The following CASK variants were observed in gnomAD, a reference collection of about 807,000 sequenced individuals.
CASK encodes the protein peripheral plasma membrane protein CASK.
Under a neutral mutation model 82.9 loss-of-function variants are expected in CASK, and 4 were observed. The ratio of observed to expected loss-of-function variants is 0.05; its 90% CI spans 0.02 to 0.11. The LOEUF is 0.11. Ranked by LOEUF, CASK falls within the 10% of genes least tolerant of loss-of-function variation. The probability of loss-of-function intolerance (pLI) is 1.00; values close to 1 mark genes in which losing one functional copy is unlikely to be tolerated. For missense variants in CASK, 358 were observed against 720.9 expected (o/e 0.50, Z 5.76); for synonymous variants, 259 against 253.5 (o/e 1.02, Z -0.20).
chrX:41,620,149 T>C (rs909105004), intron 11 of CASK, among the ~76,000 whole-genome samples: 2 of 112,321 alleles, frequency 1.8e-5, no homozygotes, highest in Non-Finnish European at 3.8e-5. Context: ...ACAAACTTTA[T>C]TCATAAATAA....
chrX:41,692,280 C>G (rs1290658000), intron 5 of CASK, among the ~76,000 whole-genome samples: 1 of 111,913 alleles, frequency 8.9e-6, no homozygotes, highest in Non-Finnish European at 1.9e-5. Context: ...GTGCCTGAAA[C>G]CCATTCCAGA....
intron 11 of CASK, among the ~76,000 whole-genome samples, chrX:41,619,108 G>C (rs1448352465): frequency 9.0e-6 from 1 of 110,906 alleles, no homozygotes. Flanking sequence ...GGGATTACAG[G>C]CGTGATGCCT....
chrX:41,831,110 C>T (rs776936853), intron 2 of CASK, among the ~76,000 whole-genome samples: 1 of 110,337 alleles, frequency 9.1e-6, no homozygotes, highest in East Asian at 2.8e-4. Context: ...TCTAGGTGGT[C>T]AGAGTAAAGC....
intron 3 of CASK, among the ~76,000 whole-genome samples, chrX:41,753,399 G>C (rs1257518182): frequency 9.0e-6 from 1 of 111,174 alleles, no homozygotes; most frequent in East Asian, 2.8e-4. Context: ...AAATTTAATA[G>C]AAATATTGTG....
chrX:41,607,712 C>T (rs926825774), intron 12 of CASK, among the ~76,000 whole-genome samples: 3 of 111,926 alleles, frequency 2.7e-5, no homozygotes, highest in Non-Finnish European at 5.6e-5. Context: ...GTGAGATAAA[C>T]CCATTTCCAA....
intron 11 of CASK, among the ~76,000 whole-genome samples, chrX:41,613,782 G>C (rs2066146361): frequency 9.0e-6 from 1 of 111,213 alleles, no homozygotes; most frequent in Admixed American, 9.6e-5. Flanking sequence ...TGTTACAGTT[G>C]TTATCTTTAC....
intron 1 of CASK, among the ~76,000 whole-genome samples, chrX:41,891,619 A>T (rs1195384): frequency 0.16 from 18,090 of 111,185 alleles, 1,430 homozygotes; most frequent in Middle Eastern, 0.3. Flanking sequence ...TCTTTAGCAG[A>T]CCAGTTGTAA....
chrX:41,786,105 C>A (rs896156896), intron 3 of CASK, among the ~76,000 whole-genome samples: 2 of 111,677 alleles, frequency 1.8e-5, no homozygotes, highest in Admixed American at 9.6e-5. Context: ...AGCTTGGAAG[C>A]AGATCCACAT....
At chrX:41,757,749 C>T (rs2068924592) in intron 3 of CASK, among the ~76,000 whole-genome samples, 1 of 111,869 alleles carries the variant, frequency 8.9e-6, no homozygotes, top group South Asian at 3.8e-4. Context: ...ATCCTCCCAC[C>T]TCAACCTCCC....
chrX:41,541,108 T>C (rs932143470), intron 22 of CASK, among the ~76,000 whole-genome samples: 2 of 112,681 alleles, frequency 1.8e-5, no homozygotes, highest in Admixed American at 1.9e-4. Flanking sequence ...TGTGAGCCTA[T>C]TAGATTGTGT....
intron 8 of CASK, among the ~76,000 whole-genome samples, chrX:41,645,199 A>G (rs188692580): frequency 3.5e-3 from 395 of 111,553 alleles, no homozygotes; most frequent in Non-Finnish European, 5.8e-3. Flanking sequence ...AATTGTCCCA[A>G]CAGTCTGAAC....
rs1464667118 is a variant in CASK, at chrX:41,727,176, G to A, written c.429+12208C>T. The stretch of plus-strand genomic sequence containing the variant: ...CAAAAATAGGTAAAAAAACATCAAC[G>A]CACATCTACCTGTCACACCTTGTGA... On this transcript the variant is annotated intron_variant, in intron 5 of 26. Transcript: ENST00000378163. 4.1e-6 allele frequency: 5 copies of A among 1,204,899 alleles called. No homozygotes were observed. In the Admixed American group the frequency reaches 6.6e-5, roughly 16 times the overall value.
At chrX:41,867,848 T>C (rs2148002198) in intron 1 of CASK, among the ~76,000 whole-genome samples, 1 of 112,439 alleles carries the variant, frequency 8.9e-6, no homozygotes, top group South Asian at 3.7e-4. Context: ...TTTTTGTTGG[T>C]TTGGATGTTT....
chrX:41,821,544 T>G (rs1400009416), intron 2 of CASK, among the ~76,000 whole-genome samples: 3 of 112,221 alleles, frequency 2.7e-5, no homozygotes, highest in Non-Finnish European at 5.6e-5. Context: ...CACTCTTGCA[T>G]TTATGTGAGA....
At chrX:41,613,190 GGGGGGAAAGGT>G (rs1239361644) in intron 11 of CASK, among the ~76,000 whole-genome samples, 1 of 111,479 alleles carries the variant, frequency 9.0e-6, no homozygotes, top group Non-Finnish European at 1.9e-5. Flanking sequence ...GGAATGGAAA[GGGGGGAAAGGT>G]GGGGAAAAGA....
chrX:41,840,838 TTG>T (rs1170261075), intron 2 of CASK, among the ~76,000 whole-genome samples: 2 of 112,352 alleles, frequency 1.8e-5, no homozygotes, highest in Non-Finnish European at 3.8e-5. Context: ...ATTACATTAA[TTG>T]ATTTTCAAAT....
At chrX:41,901,488 G>GAAA (rs777860030) in intron 1 of CASK, among the ~76,000 whole-genome samples, 1 of 82,279 alleles carries the variant, frequency 1.2e-5, no homozygotes. Flanking sequence ...CCCTGTCTCA[G>GAAA]AAAAAAAAAA....
intron 2 of CASK, among the ~76,000 whole-genome samples, chrX:41,799,024 T>C (rs1313753019): frequency 2.7e-5 from 3 of 111,870 alleles, no homozygotes; most frequent in African/African-American, 9.8e-5. Context: ...AGGTTAGCTA[T>C]TTCTCTGAAT....
At chrX:41,616,471 A>T (rs1414318946) in intron 11 of CASK, among the ~76,000 whole-genome samples, 1 of 111,858 alleles carries the variant, frequency 8.9e-6, no homozygotes, top group African/African-American at 3.3e-5. Context: ...TGTTTTGCCT[A>T]ACTTACTACA....
Sources: gnomAD v4.1 joint callset for allele counts (sites outside exome capture counted in the v4.1 genomes callset) on GRCh38, gnomAD v4.1.1 for gene constraint, MANE v1.5 for transcripts, NCBI Gene and HGNC (gene_info 2026-07-23, HGNC 2026-07-21) for gene names.